DIS3L2: variants seen among roughly 807,000 people sequenced by gnomAD.
The protein encoded by DIS3L2 is DIS3 like 3'-5' exoribonuclease 2.
In DIS3L2, 34 loss-of-function variants were observed where a neutral mutation model predicts 97.5. That is an observed-to-expected ratio of 0.35 (90% CI 0.27 to 0.46). The LOEUF (loss-of-function observed/expected upper bound fraction) is 0.46, where lower values mean the gene tolerates loss of function less well. Among genes scored for constraint, DIS3L2 ranks in the 20% least tolerant of loss-of-function variants. The pLI is 1.00. For missense variants in DIS3L2, 1,038 were observed against 1,146.0 expected (o/e 0.91, Z 1.36); for synonymous variants, 435 against 445.2 (o/e 0.98, Z 0.29).
intron 5 of DIS3L2, among the ~76,000 whole-genome samples, chr2:232,031,932 T>C (rs1307978750): frequency 6.6e-6 from 1 of 152,248 alleles, no homozygotes; most frequent in Non-Finnish European, 1.5e-5. Flanking sequence ...TCCAAGTCTT[T>C]GCTATTATGA....
intron 13 of DIS3L2, among the ~76,000 whole-genome samples, chr2:232,272,427 C>T (rs1340827303): frequency 6.6e-6 from 1 of 152,010 alleles, no homozygotes; most frequent in Non-Finnish European, 1.5e-5. Flanking sequence ...ATCGCAAACC[C>T]GATGGTTATT....
intron 1 of DIS3L2, among the ~76,000 whole-genome samples, chr2:231,965,809 G>A (rs1692692066): frequency 6.6e-6 from 1 of 152,200 alleles, no homozygotes; most frequent in Admixed American, 6.5e-5. Flanking sequence ...TGCACAGGAA[G>A]AGAACAGTGC....
intron 6 of DIS3L2, among the ~76,000 whole-genome samples, chr2:232,096,077 G>A (rs1234175753): frequency 6.7e-6 from 1 of 149,652 alleles, no homozygotes; most frequent in East Asian, 2.0e-4. Context: ...AAATGCCTTG[G>A]GGTAGTTGTC....
In DIS3L2 at chr2:232,056,186, C is replaced by T. The variant is rs1695546007; in HGVS notation, c.366+26106C>T. On this transcript the variant is annotated intron_variant, in intron 5 of 20. Coordinates refer to ENST00000325385, the MANE Select transcript of DIS3L2 (RefSeq NM_152383.5). ...AGGAGTTGGAGACCAGCCTGGCCAA[C>T]ATGGTGAAACCCCGTTTCTACTAAA... 3.3e-5 allele frequency among the ~76,000 whole-genome samples: 5 copies of T among 152,068 alleles called. 1 individual carries two copies. In the South Asian group the frequency reaches 1.0e-3, roughly 32 times the overall value.
intron 1 of DIS3L2, among the ~76,000 whole-genome samples, chr2:231,970,121 G>GC (rs749403425): frequency 5.3e-4 from 80 of 151,792 alleles, no homozygotes; most frequent in Non-Finnish European, 1.1e-3. Flanking sequence ...TTGTTTGTTT[G>GC]TTTTTTAGTA....
At chr2:232,121,327 T>G (rs1697898566) in intron 6 of DIS3L2, among the ~76,000 whole-genome samples, 1 of 152,228 alleles carries the variant, frequency 6.6e-6, no homozygotes, top group Non-Finnish European at 1.5e-5. Context: ...CACCTCAGTT[T>G]CCTTTGCAAA....
intron 9 of DIS3L2, among the ~76,000 whole-genome samples, chr2:232,197,841 T>C: frequency 6.6e-6 from 1 of 151,758 alleles, no homozygotes; most frequent in East Asian, 1.9e-4. Context: ...TGGCACGTGC[T>C]CCTAGCTACT....
chr2:232,233,493 G>A (rs1256909255), intron 10 of DIS3L2, among the ~76,000 whole-genome samples: 3 of 152,202 alleles, frequency 2.0e-5, no homozygotes, highest in Admixed American at 6.5e-5. Context: ...ATTTCAACCT[G>A]TGAATTGGCA....
At chr2:232,028,373 G>A (rs1333849418) in intron 4 of DIS3L2, among the ~76,000 whole-genome samples, 1 of 152,128 alleles carries the variant, frequency 6.6e-6, no homozygotes, top group Non-Finnish European at 1.5e-5. Context: ...CAAGCTTAGT[G>A]TCTTTAAAGT....
chr2:232,299,843 G>A (rs1271329533), intron 13 of DIS3L2, among the ~76,000 whole-genome samples, 197 bp from the exon 14 acceptor site: 2 of 152,224 alleles, frequency 1.3e-5, no homozygotes, highest in South Asian at 4.1e-4. Flanking sequence ...AACAAGTAGA[G>A]TCTTGCTGAC....
At chr2:232,272,574 C>G (rs1026906963) in intron 13 of DIS3L2, among the ~76,000 whole-genome samples, 13 of 152,306 alleles carry the variant, frequency 8.5e-5, no homozygotes, top group Admixed American at 5.2e-4. Context: ...CCTCACTCCT[C>G]TCTCTGAGTG....
At chr2:232,236,682 A>C (rs1050306726) in intron 10 of DIS3L2, among the ~76,000 whole-genome samples, 1 of 152,174 alleles carries the variant, frequency 6.6e-6, no homozygotes, top group Non-Finnish European at 1.5e-5. Flanking sequence ...CAAATTCAGC[A>C]CTATGCTTGT....
chr2:231,979,338 T>G (rs1347697253), intron 1 of DIS3L2, among the ~76,000 whole-genome samples: 2 of 152,180 alleles, frequency 1.3e-5, no homozygotes, highest in Non-Finnish European at 2.9e-5. Flanking sequence ...CACTGCAGCC[T>G]TGACCTCCTG....
At chr2:232,005,667 G>A (rs1437033835) in intron 1 of DIS3L2, among the ~76,000 whole-genome samples, 1 of 152,142 alleles carries the variant, frequency 6.6e-6, no homozygotes, top group Non-Finnish European at 1.5e-5. Context: ...TTACCCTGCA[G>A]AATCTATAGG....
chr2:232,328,090 T>G (rs1304091306), intron 14 of DIS3L2, among the ~76,000 whole-genome samples: 4 of 152,122 alleles, frequency 2.6e-5, no homozygotes, highest in Non-Finnish European at 4.4e-5. Context: ...AAGCACAGAT[T>G]AGGGCTGGGA....
intron 8 of DIS3L2, among the ~76,000 whole-genome samples, chr2:232,162,360 A>T (rs1020956384): frequency 6.6e-6 from 1 of 152,124 alleles, no homozygotes; most frequent in Non-Finnish European, 1.5e-5. Context: ...CTAGTGTGAG[A>T]AATGGGGCCA....
chr2:232,174,711 TG>T (rs1379367632), intron 9 of DIS3L2, among the ~76,000 whole-genome samples: 1 of 152,186 alleles, frequency 6.6e-6, no homozygotes, highest in Non-Finnish European at 1.5e-5. Flanking sequence ...CTAATTTAGA[TG>T]CCTTTTATTT....
chr2:232,016,355 C>T (rs757810628), intron 3 of DIS3L2, among the ~76,000 whole-genome samples: 9 of 152,176 alleles, frequency 5.9e-5, no homozygotes, highest in Non-Finnish European at 1.2e-4. Context: ...CCTTGCTGTA[C>T]TTCAGCTTGC....
intron 9 of DIS3L2, among the ~76,000 whole-genome samples, chr2:232,205,070 C>T (rs917018848): frequency 1.1e-4 from 16 of 151,994 alleles, no homozygotes; most frequent in Non-Finnish European, 2.2e-4. Flanking sequence ...TCAAGAGGTT[C>T]GTTCTCTTAG....
Sources: gnomAD v4.1 joint callset for allele counts (sites outside exome capture counted in the v4.1 genomes callset) on GRCh38, gnomAD v4.1.1 for gene constraint, MANE v1.5 for transcripts, NCBI Gene and HGNC (gene_info 2026-07-23, HGNC 2026-07-21) for gene names.